Variants in RAD51B observed in about 807,000 individuals in gnomAD.
RAD51B encodes the protein DNA repair protein RAD51 homolog 2.
A neutral mutation model predicts 42.2 loss-of-function variants in RAD51B; 38 were observed. That is an observed-to-expected ratio of 0.90 (90% CI 0.70 to 1.18). The LOEUF is 1.18. Ranked by LOEUF, RAD51B falls within the 50% of genes most tolerant of loss-of-function variation. The pLI is 0.00. For synonymous variants in RAD51B, 154 were observed against 145.2 expected (o/e 1.06, Z -0.43); for missense variants, 373 against 400.7 (o/e 0.93, Z 0.59).
intron 3 of RAD51B, among the ~76,000 whole-genome samples, chr14:67,833,560 TACTG>T (rs2041130049): frequency 2.0e-5 from 3 of 152,318 alleles, no homozygotes; most frequent in Middle Eastern, 6.8e-3. Context: ...ATAACTGAGA[TACTG>T]ACTAATGGGC....
downstream of RAD51B, among the ~76,000 whole-genome samples, chr14:68,615,046 T>C (rs1161009438): frequency 6.6e-6 from 1 of 152,022 alleles, no homozygotes; most frequent in Non-Finnish European, 1.5e-5. Flanking sequence ...CTAATTTTTG[T>C]ATTTTTGGTA....
intron 1 of RAD51B, among the ~76,000 whole-genome samples, chr14:67,820,538 A>G (rs111832992): frequency 8.9e-4 from 135 of 152,266 alleles, no homozygotes; most frequent in African/African-American, 3.1e-3. Flanking sequence ...TCGCGCACAC[A>G]TACACCGCAG....
rs533620678 is a variant in RAD51B at position 68,380,107 on chromosome 14, A to G, written c.854-31317A>G. On this transcript the variant is annotated intron_variant, in intron 8 of 10. Coordinates refer to ENST00000471583, the MANE Select transcript of RAD51B (RefSeq NM_133510.4). ...TTTTATTTTGCTGTCATTCTCTTAA[A>G]TTGCCTCTTTCTCAAAGCATCCGGG... Among the ~76,000 whole-genome samples, 90 of 152,248 alleles carry G rather than the reference A, an allele frequency of 5.9e-4. 2 individuals carry two copies. In the South Asian group the frequency reaches 0.019, roughly 32 times the overall value.
At chr14:67,955,385 T>C (rs2074527338) in intron 7 of RAD51B, among the ~76,000 whole-genome samples, 1 of 152,216 alleles carries the variant, frequency 6.6e-6, no homozygotes, top group Non-Finnish European at 1.5e-5. Context: ...TCAAATGTTA[T>C]AAGGAAACAG....
intron 7 of RAD51B, among the ~76,000 whole-genome samples, chr14:67,921,579 A>T (rs1346720545): frequency 9.8e-5 from 14 of 142,246 alleles, no homozygotes; most frequent in African/African-American, 3.5e-4. Context: ...ACACACACAC[A>T]CACACACACA....
chr14:68,603,353 C>T (rs1182207981), intron 10 of RAD51B, among the ~76,000 whole-genome samples: 1 of 152,166 alleles, frequency 6.6e-6, no homozygotes, highest in Non-Finnish European at 1.5e-5. Context: ...GCTATTTCCA[C>T]AATCAGGAAG....
intron 7 of RAD51B, among the ~76,000 whole-genome samples, chr14:68,229,872 C>A (rs2080112690): frequency 6.6e-6 from 1 of 152,190 alleles, no homozygotes; most frequent in Admixed American, 6.5e-5. Context: ...TCTCTTATAT[C>A]TTTGTGCCCT....
At chr14:67,847,103 G>T (rs970457800) in intron 4 of RAD51B, among the ~76,000 whole-genome samples, 5 of 152,096 alleles carry the variant, frequency 3.3e-5, no homozygotes, top group Non-Finnish European at 5.9e-5. Context: ...CCAATGCAGG[G>T]TTCCCAGTTT....
intron 10 of RAD51B, among the ~76,000 whole-genome samples, chr14:68,570,873 C>CCCCACACA (rs1555427591): frequency 2.0e-5 from 3 of 150,242 alleles, no homozygotes; most frequent in African/African-American, 7.4e-5. Context: ...GGCTGGAGCG[C>CCCCACACA]CACACACACA....
chr14:68,508,724 C>T (rs1437908598), intron 10 of RAD51B, among the ~76,000 whole-genome samples: 4 of 152,224 alleles, frequency 2.6e-5, no homozygotes, highest in Non-Finnish European at 5.9e-5. Context: ...CTGCCAGTCT[C>T]ATCTCTGAGA....
At chr14:67,929,523 T>C (rs1328370434) in intron 7 of RAD51B, among the ~76,000 whole-genome samples, 1 of 152,218 alleles carries the variant, frequency 6.6e-6, no homozygotes, top group African/African-American at 2.4e-5. Flanking sequence ...GAGAATTTTC[T>C]ATGTGCAGAT....
chr14:67,937,184 G>A (rs919415649), intron 7 of RAD51B, among the ~76,000 whole-genome samples: 1 of 152,122 alleles, frequency 6.6e-6, no homozygotes, highest in Admixed American at 6.6e-5. Context: ...TCAAAGCTGA[G>A]CCCTAAATCC....
At chr14:68,265,443 A>G (rs753705707) in intron 7 of RAD51B, among the ~76,000 whole-genome samples, 4 of 152,158 alleles carry the variant, frequency 2.6e-5, no homozygotes, top group Non-Finnish European at 5.9e-5. Context: ...AGTGGGGCAG[A>G]CTGGTATAAA....
chr14:68,497,767 T>C (rs188182175), intron 10 of RAD51B: 117 of 225,056 alleles, frequency 5.2e-4, no homozygotes, highest in African/African-American at 2.5e-3. Context: ...TTCATATAAA[T>C]GGAATCATAT....
At chr14:67,965,411 T>C (rs1016746006) in intron 7 of RAD51B, among the ~76,000 whole-genome samples, 10 of 152,192 alleles carry the variant, frequency 6.6e-5, no homozygotes, top group Non-Finnish European at 1.5e-4. Flanking sequence ...GAGAGCTGCT[T>C]ATCTACTTTT....
In RAD51B at chr14:68,399,489, C is replaced by T. The variant is rs563160086; in HGVS notation, c.854-11935C>T. Among the ~76,000 whole-genome samples, 30 of 152,266 alleles carry T rather than the reference C, an allele frequency of 2.0e-4. No homozygotes were observed. The East Asian group carries it at 5.8e-3, about 29-fold the overall frequency. On this transcript the variant is annotated intron_variant, in intron 8 of 10. Coordinates refer to ENST00000471583, the MANE Select transcript of RAD51B (RefSeq NM_133510.4). The stretch of plus-strand genomic sequence containing the variant: ...AGCCAGGATGGCCTCCATCTCCTGA[C>T]TTCATGATCCACCCGCCTTGGCCTC...
chr14:68,612,876 A>C (rs1891727441), downstream of RAD51B, among the ~76,000 whole-genome samples: 1 of 151,406 alleles, frequency 6.6e-6, no homozygotes, highest in Non-Finnish European at 1.5e-5. Flanking sequence ...GGGGAGGGAG[A>C]GAGGGAGGAA....
intron 7 of RAD51B, among the ~76,000 whole-genome samples, chr14:67,982,101 T>A (rs980894445): frequency 6.6e-6 from 1 of 152,022 alleles, no homozygotes; most frequent in Non-Finnish European, 1.5e-5. Context: ...CATGCCTGGC[T>A]GTTTTGTATT....
intron 7 of RAD51B, among the ~76,000 whole-genome samples, chr14:68,196,237 C>T (rs910575261): frequency 4.0e-5 from 6 of 151,754 alleles, no homozygotes; most frequent in Middle Eastern, 3.4e-3. Flanking sequence ...TCTTGCTGGG[C>T]ATGATTAATT....
Sources: allele counts gnomAD v4.1 joint callset (sites outside exome capture counted in the v4.1 genomes callset), GRCh38; gene constraint gnomAD v4.1.1; transcripts MANE v1.5; gene names NCBI Gene and HGNC (gene_info 2026-07-23, HGNC 2026-07-21).